UBE3C: variants seen among roughly 807,000 people sequenced by gnomAD.
The protein encoded by UBE3C is ubiquitin-protein ligase E3C.
A neutral mutation model predicts 129.4 loss-of-function variants in UBE3C; 42 were observed. The ratio of observed to expected loss-of-function variants is 0.32; its 90% CI spans 0.25 to 0.42. The LOEUF (loss-of-function observed/expected upper bound fraction) is 0.42, where lower values mean the gene tolerates loss of function less well. Ranked by LOEUF, UBE3C falls within the 10% of genes least tolerant of loss-of-function variation. The pLI, the probability that UBE3C is intolerant of heterozygous loss-of-function variation, is 1.00. For missense variants in UBE3C, 1,049 were observed against 1,319.1 expected, an observed-to-expected ratio of 0.80 and a Z score of 3.17; for synonymous variants, 510 against 492.4, an observed-to-expected ratio of 1.04 and a Z score of -0.47.
intron 17 of UBE3C, among the ~76,000 whole-genome samples, chr7:157,230,565 C>T (rs187770559): frequency 1.3e-5 from 2 of 152,052 alleles, no homozygotes; most frequent in Admixed American, 6.5e-5. Context: ...TGTGGTGGCA[C>T]ACGCCTGTAG....
chr7:157,235,194 T>TA (rs1320380269), intron 18 of UBE3C, among the ~76,000 whole-genome samples: 5 of 151,526 alleles, frequency 3.3e-5, no homozygotes, highest in South Asian at 2.1e-4. Flanking sequence ...TGTCTCAAAT[T>TA]AAAAAAAAGA....
intron 5 of UBE3C, among the ~76,000 whole-genome samples, chr7:157,177,929 G>GT (rs3839850): frequency 0.24 from 33,712 of 140,614 alleles, 3,987 homozygotes; most frequent in East Asian, 0.43. Context: ...GATGGATTCT[G>GT]TTTTTTTTTT....
intron 16 of UBE3C, 34 bp downstream of exon 16, chr7:157,223,385 A>G (rs1488528019): frequency 1.1e-5 from 17 of 1,564,948 alleles, no homozygotes; most frequent in Non-Finnish European, 1.5e-5. Flanking sequence ...GTCACTACGT[A>G]TCATATTAGT....
intron 1 of UBE3C, among the ~76,000 whole-genome samples, chr7:157,158,810 T>C (rs1397684059): frequency 6.6e-6 from 1 of 152,222 alleles, no homozygotes; most frequent in Non-Finnish European, 1.5e-5. Flanking sequence ...TAAAATCTAT[T>C]GTTGATTTTA....
intron 15 of UBE3C, 168 bp downstream of exon 15, chr7:157,220,944 C>A: frequency 2.9e-6 from 2 of 686,208 alleles, no homozygotes; most frequent in Non-Finnish European, 4.7e-6. Context: ...CCTCTAGCTC[C>A]ATTGCGGCCA....
chr7:157,247,132 C>T (rs1184613576), intron 18 of UBE3C, among the ~76,000 whole-genome samples: 1 of 152,090 alleles, frequency 6.6e-6, no homozygotes, highest in Non-Finnish European at 1.5e-5. Flanking sequence ...GTGATCCAGC[C>T]GCCTCAGCCT....
chr7:157,173,918 A>G (rs1808446317), intron 4 of UBE3C, among the ~76,000 whole-genome samples: 1 of 152,252 alleles, frequency 6.6e-6, no homozygotes. Flanking sequence ...AGTTTAAGAC[A>G]TGCGCTAATT....
intron 1 of UBE3C, among the ~76,000 whole-genome samples, chr7:157,150,031 G>A (rs1271471246): frequency 3.3e-5 from 5 of 152,112 alleles, no homozygotes; most frequent in Non-Finnish European, 7.4e-5. Flanking sequence ...GTTGCTGAGG[G>A]CATACAGACA....
intron 6 of UBE3C, among the ~76,000 whole-genome samples, 190 bp downstream of exon 6, chr7:157,179,037 C>T (rs917921086): frequency 2.0e-5 from 3 of 151,990 alleles, no homozygotes; most frequent in African/African-American, 4.8e-5. Flanking sequence ...TGGCTCCACC[C>T]ACTCTGAAAA....
At chr7:157,184,289 AT>A (rs1303850158) in intron 9 of UBE3C, among the ~76,000 whole-genome samples, 1 of 152,182 alleles carries the variant, frequency 6.6e-6, no homozygotes, top group African/African-American at 2.4e-5. Flanking sequence ...ATCATACTAT[AT>A]GTTAACTTAG....
chr7:157,195,579 C>G (rs1391263065), intron 10 of UBE3C, among the ~76,000 whole-genome samples: 3 of 152,110 alleles, frequency 2.0e-5, no homozygotes, highest in Non-Finnish European at 4.4e-5. Context: ...ATGTGTATAG[C>G]TGTTACTGTA....
chr7:157,152,899 C>T (rs571500232), intron 1 of UBE3C, among the ~76,000 whole-genome samples: 14 of 152,246 alleles, frequency 9.2e-5, no homozygotes, highest in African/African-American at 3.4e-4. Flanking sequence ...GCAGCTTTAA[C>T]GTTGTTTAAT....
At chr7:157,232,841 C>T (rs186070975) in intron 18 of UBE3C, among the ~76,000 whole-genome samples, 5 of 152,220 alleles carry the variant, frequency 3.3e-5, no homozygotes, top group Non-Finnish European at 7.4e-5. Flanking sequence ...AAAATCAGTG[C>T]CTGCAAAACA....
At position 157,181,612 on chromosome 7, in the gene UBE3C, G is replaced by A; in HGVS notation, c.711G>A (p.Leu237=). 4.3e-6 allele frequency: 7 copies of A among 1,613,638 alleles called. No individual in the cohort carries two copies. The highest frequency in any genetic ancestry group is 5.1e-6 in the Non-Finnish European group (6 of 1,179,900). The change falls in exon 7 of 23, where the codon TTG becomes TTA. Residue 237 remains leucine, a synonymous_variant. Coordinates refer to ENST00000348165, the MANE Select transcript of UBE3C (RefSeq NM_014671.3). ...DLSRVPIAKI[L]LENVLKPLHF... ...CTCGAGTTCCTATAGCAAAAATTTT[G>A]CTAGAGAATGTTCTAAAACCATTGC... is the stretch of plus-strand genomic sequence containing the variant.
chr7:157,239,752 G>A (rs1363907057), intron 18 of UBE3C, among the ~76,000 whole-genome samples: 1 of 152,194 alleles, frequency 6.6e-6, no homozygotes, highest in East Asian at 1.9e-4. Flanking sequence ...AATTGCTGAG[G>A]GAGAGAGGAA....
In UBE3C at chr7:157,249,246, C is replaced by G. The variant is rs375023578; in HGVS notation, c.2694+666C>G. Among the ~76,000 whole-genome samples, 4 of 152,152 alleles carry G rather than the reference C, an allele frequency of 2.6e-5. No individual in the cohort carries two copies. In the East Asian group the frequency reaches 7.7e-4, roughly 29 times the overall value. The stretch of plus-strand genomic sequence containing the variant: ...CCGTGCACCCATTAGCAGGCTCCCC[C>G]ACCTCCCGCAGGCAGCCACCAGTCC... On this transcript the variant is annotated intron_variant, in intron 19 of 22. Transcript: ENST00000348165.
At chr7:157,142,199 T>C (rs1339185931) in intron 1 of UBE3C, among the ~76,000 whole-genome samples, 1 of 152,226 alleles carries the variant, frequency 6.6e-6, no homozygotes, top group Non-Finnish European at 1.5e-5. Flanking sequence ...CCTTCCCTTG[T>C]TGGAAAAATG....
chr7:157,166,354 C>G (rs1173364099), intron 2 of UBE3C, among the ~76,000 whole-genome samples: 1 of 152,154 alleles, frequency 6.6e-6, no homozygotes, highest in Non-Finnish European at 1.5e-5. Context: ...AAAATACTTA[C>G]TCTTTGGTAA....
At chr7:157,173,570 T>TA (rs1397237443) in intron 4 of UBE3C, among the ~76,000 whole-genome samples, 3 of 152,348 alleles carry the variant, frequency 2.0e-5, no homozygotes, top group Admixed American at 1.3e-4. Context: ...AAATTTTTCT[T>TA]ACGACTTTAA....
Sources: gnomAD v4.1 joint callset for allele counts (sites outside exome capture counted in the v4.1 genomes callset) on GRCh38, gnomAD v4.1.1 for gene constraint, MANE v1.5 for transcripts, NCBI Gene and HGNC (gene_info 2026-07-23, HGNC 2026-07-21) for gene names.